Variants in LRFN5 observed in about 807,000 individuals in gnomAD.
The protein encoded by LRFN5 is leucine rich repeat and fibronectin type III domain containing 5, also known as leucine-rich repeat and fibronectin type-III domain-containing protein 5.
In LRFN5, 24 loss-of-function variants were observed where a neutral mutation model predicts 45.6. The ratio of observed to expected loss-of-function variants is 0.53; its 90% CI spans 0.38 to 0.74. The LOEUF (loss-of-function observed/expected upper bound fraction) is 0.74, where lower values mean the gene tolerates loss of function less well. LRFN5 is among the 30% of genes least tolerant of loss of function. LRFN5 has a pLI of 0.00. For synonymous variants in LRFN5, 340 were observed against 313.8 expected, an observed-to-expected ratio of 1.08 and a Z score of -0.88; for missense variants, 776 against 861.5, an observed-to-expected ratio of 0.90 and a Z score of 1.24.
At chr14:41,752,999 C>A (rs1179984226) in intron 1 of LRFN5, among the ~76,000 whole-genome samples, 1 of 152,112 alleles carries the variant, frequency 6.6e-6, no homozygotes, top group African/African-American at 2.4e-5. Flanking sequence ...GCAAGTCTTC[C>A]CAGCACCATT....
intron 2 of LRFN5, among the ~76,000 whole-genome samples, chr14:41,870,123 T>G (rs1889968728): frequency 6.6e-6 from 1 of 152,120 alleles, no homozygotes; most frequent in Non-Finnish European, 1.5e-5. Context: ...TTGGCCTGGT[T>G]GAGTTTTCAT....
At position 41,631,910 on chromosome 14, in the gene LRFN5, G is replaced by T. The variant is rs77515601; in HGVS notation, c.-197+23348G>T. Among the ~76,000 whole-genome samples, 296 of 152,318 alleles carry T rather than the reference G, an allele frequency of 1.9e-3. 3 individuals carry two copies. Among genetic ancestry groups the T allele is most frequent in the African/African-American group, 6.9e-3 (287 of 41,592 alleles). On this transcript the variant is annotated intron_variant, in intron 1 of 5. Coordinates refer to ENST00000298119, the MANE Select transcript of LRFN5 (RefSeq NM_152447.5). ...AAGGACTTTGGTTTTCATTATGAAA[G>T]AGATGAGAAGCCACGGAGAGTTTTG...
chr14:41,625,773 A>G, intron 1 of LRFN5, among the ~76,000 whole-genome samples: 1 of 152,164 alleles, frequency 6.6e-6, no homozygotes, highest in East Asian at 1.9e-4. Flanking sequence ...AAGGTAAAAA[A>G]AATGTCAAGT....
intron 2 of LRFN5, among the ~76,000 whole-genome samples, chr14:41,775,179 C>T (rs1374051506): frequency 7.0e-6 from 1 of 143,260 alleles, no homozygotes; most frequent in Non-Finnish European, 1.5e-5. Context: ...CAAGCTCCGC[C>T]TCCCGGGTTC....
At chr14:41,725,101 T>G (rs1302810856) in intron 1 of LRFN5, among the ~76,000 whole-genome samples, 1 of 152,188 alleles carries the variant, frequency 6.6e-6, no homozygotes, top group African/African-American at 2.4e-5. Context: ...GTACTAGAAA[T>G]TGAGTTATTG....
rs1449939888 is a variant in LRFN5, at chr14:41,844,354, G to A, written c.-20-42252G>A. Among the ~76,000 whole-genome samples, 8 of 151,214 alleles carry A rather than the reference G, an allele frequency of 5.3e-5. No homozygotes were observed. The South Asian group carries it at 6.3e-4, about 12-fold the overall frequency. The stretch of plus-strand genomic sequence containing the variant: ...CGGGAGGCTGAGGCAGGAGAATGGC[G>A]TGAACCCAGGAGGCAGAGCTTGCAG... On this transcript the variant is annotated intron_variant, in intron 2 of 5. Coordinates refer to ENST00000298119, the MANE Select transcript of LRFN5 (RefSeq NM_152447.5).
intron 1 of LRFN5, among the ~76,000 whole-genome samples, chr14:41,663,330 A>G (rs1340984849): frequency 6.6e-6 from 1 of 152,012 alleles, no homozygotes; most frequent in Non-Finnish European, 1.5e-5. Flanking sequence ...ATGTCAGTAG[A>G]TTGGTGTTTA....
chr14:41,712,535 A>G (rs1238616429), intron 1 of LRFN5, among the ~76,000 whole-genome samples: 1 of 152,228 alleles, frequency 6.6e-6, no homozygotes, highest in East Asian at 1.9e-4. Context: ...AGGTTTTGTT[A>G]TATAACTTGG....
At chr14:41,839,830 AC>A (rs1490451534) in intron 2 of LRFN5, among the ~76,000 whole-genome samples, 10 of 152,176 alleles carry the variant, frequency 6.6e-5, no homozygotes, top group African/African-American at 2.4e-4. Flanking sequence ...TCAATTTCTA[AC>A]CAGCGGGTAT....
At position 41,886,882 on chromosome 14, in the gene LRFN5, C is replaced by A; in HGVS notation, c.257C>A (p.Thr86Lys). ...GTGGACCTGACTCTATCCAGGAATACAATAAGTTTTATTACACCTCATGCT... is the reference window on the plus strand; with the variant it reads ...GTGGACCTGACTCTATCCAGGAATAAAATAAGTTTTATTACACCTCATGCT... ...SLVDLTLSRN[T>K]ISFITPHAFA... Residue 86 changes from threonine (T) to lysine (K), a missense_variant, in exon 3 of 6, where the codon ACA (threonine) becomes AAA (lysine). Thr to Lys is a moderately conservative substitution (Grantham distance 78). Coordinates refer to ENST00000298119, the MANE Select transcript of LRFN5 (RefSeq NM_152447.5). 1.2e-6 allele frequency: 2 copies of A among 1,614,178 alleles called. No homozygotes were observed. Among genetic ancestry groups the A allele is most frequent in the Non-Finnish European group, 1.7e-6 (2 of 1,180,024 alleles).
At chr14:41,755,109 A>G (rs1160363703) in intron 1 of LRFN5, among the ~76,000 whole-genome samples, 4 of 152,016 alleles carry the variant, frequency 2.6e-5, no homozygotes, top group Admixed American at 2.6e-4. Context: ...TTCTAGTTTG[A>G]TTGCACTGTG....
At chr14:41,833,759 A>G (rs1338305388) in intron 2 of LRFN5, among the ~76,000 whole-genome samples, 3 of 151,394 alleles carry the variant, frequency 2.0e-5, no homozygotes, top group Non-Finnish European at 4.4e-5. Flanking sequence ...TTATTTTTTC[A>G]TATGATAACC....
chr14:41,842,281 GCAAA>G (rs1409833083), intron 2 of LRFN5, among the ~76,000 whole-genome samples: 1 of 152,036 alleles, frequency 6.6e-6, no homozygotes, highest in Non-Finnish European at 1.5e-5. Context: ...ATCTAAGTCA[GCAAA>G]CAAATTGGAT....
intron 1 of LRFN5, among the ~76,000 whole-genome samples, chr14:41,716,980 T>TAATAGAG (rs1883519589): frequency 6.6e-6 from 1 of 152,204 alleles, no homozygotes; most frequent in Non-Finnish European, 1.5e-5. Context: ...CTCTATTTTC[T>TAATAGAG]AATAGAGTCT....
At chr14:41,888,440 T>C (rs1015798418) in intron 3 of LRFN5, among the ~76,000 whole-genome samples, 2 of 152,144 alleles carry the variant, frequency 1.3e-5, no homozygotes, top group African/African-American at 4.8e-5. Context: ...TCATACTATT[T>C]TGAATATCCT....
At chr14:41,687,143 A>G (rs1312659953) in intron 1 of LRFN5, among the ~76,000 whole-genome samples, 5 of 152,102 alleles carry the variant, frequency 3.3e-5, no homozygotes, top group Non-Finnish European at 7.4e-5. Context: ...GCTTAAACAT[A>G]TTTACAATAA....
At chr14:41,791,969 G>A (rs998453028) in intron 2 of LRFN5, among the ~76,000 whole-genome samples, 5 of 151,966 alleles carry the variant, frequency 3.3e-5, no homozygotes, top group African/African-American at 1.2e-4. Flanking sequence ...TTATGCTTTT[G>A]CAGCAAACAT....
At chr14:41,875,200 C>T (rs1481368214) in intron 2 of LRFN5, among the ~76,000 whole-genome samples, 1 of 152,234 alleles carries the variant, frequency 6.6e-6, no homozygotes, top group Admixed American at 6.5e-5. Context: ...ACCCACATCA[C>T]TCCCCTTTCC....
At chr14:41,658,033 A>T (rs1235866743) in intron 1 of LRFN5, among the ~76,000 whole-genome samples, 1 of 151,988 alleles carries the variant, frequency 6.6e-6, no homozygotes, top group African/African-American at 2.4e-5. Context: ...ACATTTAAAA[A>T]TACCTTATGA....
Sources: allele counts gnomAD v4.1 joint callset (sites outside exome capture counted in the v4.1 genomes callset), GRCh38; gene constraint gnomAD v4.1.1; transcripts MANE v1.5; gene names NCBI Gene and HGNC (gene_info 2026-07-23, HGNC 2026-07-21).